HIVEP1: variants seen among roughly 807,000 people sequenced by gnomAD.
HIVEP1 encodes the protein HIVEP zinc finger 1, also known as zinc finger protein 40.
Under a neutral mutation model 180.0 loss-of-function variants are expected in HIVEP1, and 36 were observed. The observed-to-expected ratio is 0.20, with a 90% confidence interval of 0.15 to 0.26. The LOEUF is 0.26. HIVEP1 is among the 10% of genes least tolerant of loss of function. The pLI is 1.00. For synonymous variants in HIVEP1, 1,239 were observed against 1,239.0 expected, an observed-to-expected ratio of 1.00 and a Z score of 0.00; for missense variants, 3,143 against 3,268.7, an observed-to-expected ratio of 0.96 and a Z score of 0.94.
the HIVEP1 span, among the ~76,000 whole-genome samples, chr6:12,171,506 C>T: frequency 6.6e-6 from 1 of 152,174 alleles, no homozygotes; most frequent in South Asian, 2.1e-4. Flanking sequence ...TGAGGCCAAG[C>T]TCACAGTGGC....
intron 7 of HIVEP1, among the ~76,000 whole-genome samples, chr6:12,153,593 A>G (rs1474720430): frequency 8.1e-6 from 1 of 123,546 alleles, no homozygotes; most frequent in African/African-American, 3.0e-5. Context: ...AAAAAAAAAA[A>G]TAGATACAAG....
At chr6:12,089,357 C>A in intron 3 of HIVEP1, 120 bp downstream of exon 3, 2 of 552,904 alleles carry the variant, frequency 3.6e-6, no homozygotes, top group East Asian at 3.1e-5. Flanking sequence ...TAGAAATCCC[C>A]TTGAACTTAT....
chr6:12,205,241 G>A, the HIVEP1 span, among the ~76,000 whole-genome samples: 1 of 152,196 alleles, frequency 6.6e-6, no homozygotes, highest in Admixed American at 6.5e-5. Flanking sequence ...GGAGGCCAAG[G>A]CGGGTGGATC....
At chr6:12,113,790 C>T (rs886247354) in intron 3 of HIVEP1, among the ~76,000 whole-genome samples, 1 of 152,164 alleles carries the variant, frequency 6.6e-6, no homozygotes, top group Non-Finnish European at 1.5e-5. Context: ...AAGGACTTGT[C>T]CCTCTCTGCC....
the HIVEP1 span, among the ~76,000 whole-genome samples, chr6:12,176,008 C>G: frequency 6.6e-6 from 1 of 152,132 alleles, no homozygotes; most frequent in Non-Finnish European, 1.5e-5. Context: ...AACAAAGAAG[C>G]CTCCTGAGGC....
intron 2 of HIVEP1, among the ~76,000 whole-genome samples, chr6:12,048,377 A>G (rs1770276579): frequency 6.6e-6 from 1 of 152,248 alleles, no homozygotes; most frequent in South Asian, 2.1e-4. Flanking sequence ...TTTGTCACCT[A>G]GACATTAAAT....
the HIVEP1 span, among the ~76,000 whole-genome samples, chr6:12,180,498 C>T: frequency 6.6e-5 from 10 of 152,220 alleles, no homozygotes; most frequent in African/African-American, 1.2e-4. Flanking sequence ...AAATCACCTA[C>T]GGATTTGCTC....
At chr6:12,041,268 A>G (rs1769679590) in intron 2 of HIVEP1, among the ~76,000 whole-genome samples, 2 of 151,846 alleles carry the variant, frequency 1.3e-5, no homozygotes, top group African/African-American at 4.8e-5. Context: ...AAAAATTCAA[A>G]AACACTAGCC....
At chr6:12,044,742 G>GGCTTGCTGTCCCCC (rs1770012543) in intron 2 of HIVEP1, among the ~76,000 whole-genome samples, 2 of 150,250 alleles carry the variant, frequency 1.3e-5, no homozygotes, top group African/African-American at 4.9e-5. Context: ...TACAGCTGAG[G>GGCTTGCTGTCCCCC]ACTTGCTGTC....
At chr6:12,084,930 G>C (rs187341250) in intron 2 of HIVEP1, among the ~76,000 whole-genome samples, 6 of 152,148 alleles carry the variant, frequency 3.9e-5, no homozygotes, top group African/African-American at 1.4e-4. Flanking sequence ...GTGCTTTCGG[G>C]GTACTGATAC....
chr6:12,184,820 G>C, the HIVEP1 span, among the ~76,000 whole-genome samples: 2 of 152,092 alleles, frequency 1.3e-5, no homozygotes. Context: ...AAAGTGATAT[G>C]TATTATTATT....
intron 7 of HIVEP1, among the ~76,000 whole-genome samples, chr6:12,139,854 C>T (rs1429678008): frequency 1.3e-5 from 2 of 152,232 alleles, no homozygotes; most frequent in Non-Finnish European, 2.9e-5. Flanking sequence ...CTGGGCAGAG[C>T]CCACCGCAGC....
intron 2 of HIVEP1, among the ~76,000 whole-genome samples, chr6:12,018,353 A>C (rs972363700): frequency 1.7e-4 from 26 of 152,218 alleles, no homozygotes; most frequent in African/African-American, 5.8e-4. Context: ...CGGCGGGCTG[A>C]AGGGCTCCTC....
intron 2 of HIVEP1, among the ~76,000 whole-genome samples, chr6:12,073,178 C>G (rs930103027): frequency 1.3e-5 from 2 of 152,082 alleles, no homozygotes; most frequent in Admixed American, 1.3e-4. Flanking sequence ...TTGAGTTGCC[C>G]GTAGTCTGAA....
At chr6:12,170,666 G>A in the HIVEP1 span, among the ~76,000 whole-genome samples, 4,779 of 152,234 alleles carry the variant, frequency 0.031, 97 homozygotes, top group Non-Finnish European at 0.045. Flanking sequence ...GGCATCTGAC[G>A]AAGCCGCAAT....
chr6:12,167,487 TC>T (rs1760732039), downstream of HIVEP1, among the ~76,000 whole-genome samples: 1 of 149,150 alleles, frequency 6.7e-6, no homozygotes, highest in Non-Finnish European at 1.5e-5. Flanking sequence ...GACTTAAAAT[TC>T]TAAATTTCCT....
At chr6:12,181,039 A>T in the HIVEP1 span, among the ~76,000 whole-genome samples, 4 of 152,170 alleles carry the variant, frequency 2.6e-5, no homozygotes, top group African/African-American at 9.7e-5. Context: ...CTGACTATAC[A>T]TATGTTTATT....
intron 4 of HIVEP1, among the ~76,000 whole-genome samples, chr6:12,128,986 G>A (rs538173670): frequency 6.6e-6 from 1 of 152,248 alleles, no homozygotes; most frequent in East Asian, 1.9e-4. Flanking sequence ...TGAGGTGGGA[G>A]GATCACTTGA....
chr6:12,191,477 C>G, the HIVEP1 span, among the ~76,000 whole-genome samples: 1 of 152,022 alleles, frequency 6.6e-6, no homozygotes, highest in South Asian at 2.1e-4. Flanking sequence ...GCCTGTAGTC[C>G]CAACTACTCA....
Sources: allele counts gnomAD v4.1 joint callset (sites outside exome capture counted in the v4.1 genomes callset), GRCh38; gene constraint gnomAD v4.1.1; transcripts MANE v1.5; gene names NCBI Gene and HGNC (gene_info 2026-07-23, HGNC 2026-07-21).